JAKMIP3: variants seen among roughly 807,000 people sequenced by gnomAD.
The protein encoded by JAKMIP3 is Janus kinase and microtubule interacting protein 3, also known as janus kinase and microtubule-interacting protein 3.
In JAKMIP3, 58 loss-of-function variants were observed where a neutral mutation model predicts 118.5. That is an observed-to-expected ratio of 0.49 (90% confidence interval 0.40 to 0.61). The LOEUF is 0.61. Ranked by LOEUF, JAKMIP3 falls within the 20% of genes least tolerant of loss-of-function variation. JAKMIP3 has a pLI of 0.00. For synonymous variants in JAKMIP3, 486 were observed against 451.2 expected (o/e 1.08, Z -0.98); for missense variants, 950 against 1,109.0 (o/e 0.86, Z 2.04).
intron 1 of JAKMIP3, among the ~76,000 whole-genome samples, chr10:132,076,813 T>C (rs1253819332): frequency 6.6e-6 from 1 of 150,758 alleles, no homozygotes; most frequent in Non-Finnish European, 1.5e-5. Context: ...GCCCCAGGTA[T>C]GATGGCATGA....
In JAKMIP3 at chr10:132,117,032, A is replaced by C; in HGVS notation, c.136-45A>C. The C allele has an allele frequency of 6.4e-7, 1 of 1,566,980 alleles. No individual in the cohort carries two copies. Among genetic ancestry groups the C allele is most frequent in the Non-Finnish European group, 8.7e-7 (1 of 1,153,116 alleles). On this transcript the variant is annotated intron_variant, in intron 2 of 23. Coordinates refer to ENST00000684848, the MANE Select transcript of JAKMIP3 (RefSeq NM_001323087.2). The surrounding 1 kb of genome is among the most constrained non-coding windows in gnomAD (Gnocchi z 8.6). ...TGCACATTCAGGTGTGAGTGTGTGC[A>C]TGGCTGGAGCTCCTGCCACACTCAG...
Position 132,119,577 on chromosome 10 carries a change from G to A in JAKMIP3, c.633+2003G>A, listed in dbSNP as rs1322972907. 5.3e-5 allele frequency among the ~76,000 whole-genome samples: 8 copies of A among 152,144 alleles called. No homozygotes were observed. In the South Asian group the frequency reaches 1.0e-3, roughly 20 times the overall value. ...GTGTCTCATTGTCAGTCCCTCCTCC[G>A]CCCTACTTTGTAGTAATTATTCTAG... On this transcript the variant is annotated intron_variant, in intron 3 of 23. Transcript: ENST00000684848.
In JAKMIP3 at chr10:132,131,500, C is replaced by T. The variant is rs113658793; in HGVS notation, c.634-1812C>T. On this transcript the variant is annotated intron_variant, in intron 3 of 23. Coordinates refer to ENST00000684848, the MANE Select transcript of JAKMIP3 (RefSeq NM_001323087.2). ...GGGGAGATGGGAGCTCTGGGGCACC[C>T]GGGGGCTCCAGCAAGTGTTGTGGAT... 2.6e-3 allele frequency among the ~76,000 whole-genome samples: 394 copies of T among 151,600 alleles called. 4 individuals are homozygous for T. The highest frequency in any genetic ancestry group is 7.9e-3 in the African/African-American group (325 of 41,270).
intron 3 of JAKMIP3, among the ~76,000 whole-genome samples, chr10:132,127,787 G>T (rs1357608900): frequency 6.6e-6 from 1 of 151,866 alleles, no homozygotes; most frequent in African/African-American, 2.4e-5. Context: ...TCAACATTTA[G>T]TGTTATTCCA....
At chr10:132,065,633 G>A (rs1451009922), upstream of JAKMIP3, among the ~76,000 whole-genome samples, 1 of 152,120 alleles carries the variant, frequency 6.6e-6, no homozygotes, top group Non-Finnish European at 1.5e-5. The surrounding 1 kb of genome is among the most constrained non-coding windows in gnomAD (Gnocchi z 5.6). Flanking sequence ...AGCCCAGGCC[G>A]CCTCTGCATC....
At chr10:132,103,958 T>G (rs1463980233) in intron 1 of JAKMIP3, among the ~76,000 whole-genome samples, 2 of 152,202 alleles carry the variant, frequency 1.3e-5, no homozygotes, top group Non-Finnish European at 2.9e-5. Context: ...ATCCTGAATA[T>G]ATACGTGAAA....
intron 6 of JAKMIP3, 90 bp downstream of exon 6, chr10:132,136,166 A>G (rs2051725095): frequency 7.0e-7 from 1 of 1,426,890 alleles, no homozygotes; most frequent in Non-Finnish European, 9.6e-7. Flanking sequence ...TTAGCATGAC[A>G]GCCGGTCCCG....
intron 1 of JAKMIP3, among the ~76,000 whole-genome samples, chr10:132,040,914 T>A (rs886206118): frequency 6.6e-6 from 1 of 150,964 alleles, no homozygotes; most frequent in Admixed American, 6.6e-5. Context: ...CAACACCTCA[T>A]AGAACTGGAA....
chr10:132,094,416 G>A (rs1038051392), intron 1 of JAKMIP3, among the ~76,000 whole-genome samples: 5 of 152,056 alleles, frequency 3.3e-5, no homozygotes, highest in African/African-American at 1.2e-4. Context: ...TAGGGCTGAG[G>A]GCTGTTGCTC....
intron 1 of JAKMIP3, among the ~76,000 whole-genome samples, chr10:132,042,998 G>A (rs1223039541): frequency 6.6e-6 from 1 of 151,782 alleles, no homozygotes; most frequent in Non-Finnish European, 1.5e-5. Flanking sequence ...GGAGATTGAG[G>A]TGGGAGGACT....
chr10:132,142,375 C>T (rs928332013), intron 11 of JAKMIP3, among the ~76,000 whole-genome samples: 5 of 152,224 alleles, frequency 3.3e-5, no homozygotes, highest in African/African-American at 4.8e-5. Context: ...CCACCTCTTC[C>T]ACTCTTGGCA....
In JAKMIP3 at chr10:132,179,430, C is replaced by T. The variant is rs2060489436; in HGVS notation, c.*1104-2927C>T. 6.6e-6 allele frequency among the ~76,000 whole-genome samples: 1 copy of T among 152,192 alleles called. No individual in the cohort carries two copies. Among genetic ancestry groups the T allele is most frequent in the Non-Finnish European group, 1.5e-5 (1 of 68,030 alleles). The stretch of plus-strand genomic sequence containing the variant: ...TGAGCAGCACTTTCCTGCCCCCTCC[C>T]TGAGAACTGGGAGCTCTTGGGATGA... On this transcript the variant is annotated intron_variant, in intron 23 of 23. Coordinates refer to ENST00000684848, the MANE Select transcript of JAKMIP3 (RefSeq NM_001323087.2). This position sits in a 1 kb window ranked among gnomAD's most constrained non-coding sequence, Gnocchi z 4.3.
intron 11 of JAKMIP3, among the ~76,000 whole-genome samples, 187 bp from the exon 12 acceptor site, chr10:132,144,920 C>T (rs1157794677): frequency 6.6e-6 from 1 of 151,876 alleles, no homozygotes; most frequent in Non-Finnish European, 1.5e-5. Flanking sequence ...CAGAGCCAAA[C>T]CCTGTCTCAA....
chr10:132,141,996 C>G lies in JAKMIP3; in HGVS notation c.1550C>G (p.Ala517Gly). ...MEYQALQRAY[A>G]LLQEQVGGTL... ...TACCAGGCCCTGCAGCGTGCCTACG[C>G]TTTGTTGCAGGAGCAGGTTGGAGGG... The change falls in exon 11 of 24, where the codon GCT becomes GGT. Residue 517 changes from alanine (A) to glycine (G), a missense_variant. Physicochemically the swap from Ala to Gly is moderately conservative, Grantham distance 60. Transcript: ENST00000684848. 3 of 1,607,602 alleles carry G rather than the reference C, an allele frequency of 1.9e-6. No homozygotes were observed. Among genetic ancestry groups the G allele is most frequent in the Non-Finnish European group, 2.5e-6 (3 of 1,177,264 alleles).
chr10:132,063,933 T>A (rs903835059), upstream of JAKMIP3, among the ~76,000 whole-genome samples: 4 of 152,192 alleles, frequency 2.6e-5, no homozygotes, highest in Non-Finnish European at 5.9e-5. Context: ...GCACGCGTTT[T>A]TAAAAACAAA....
Position 132,117,896 on chromosome 10 carries a change from A to G in JAKMIP3, c.633+322A>G, listed in dbSNP as rs1035695581. Among the ~76,000 whole-genome samples, 2 of 152,120 alleles carry G rather than the reference A, an allele frequency of 1.3e-5. No individual in the cohort carries two copies. Among genetic ancestry groups the G allele is most frequent in the Non-Finnish European group, 2.9e-5 (2 of 68,028 alleles). ...ACTTGGGCCACAGCAAGAAACCTAG[A>G]AATCGGCACTGCCCATCCACACCGC... On this transcript the variant is annotated intron_variant, in intron 3 of 23. Transcript: ENST00000684848. This position sits in a 1 kb window ranked among gnomAD's most constrained non-coding sequence, Gnocchi z 8.6.
At chr10:132,175,408 C>T (rs1354206276) in intron 23 of JAKMIP3, among the ~76,000 whole-genome samples, 1 of 152,152 alleles carries the variant, frequency 6.6e-6, no homozygotes, top group Non-Finnish European at 1.5e-5. Flanking sequence ...TTCTGCTTGG[C>T]TCTGTGGTCA....
In JAKMIP3 at chr10:132,118,061, C is replaced by T. The variant is rs926557984; in HGVS notation, c.633+487C>T. Among the ~76,000 whole-genome samples the T allele has an allele frequency of 6.6e-6, 1 of 152,180 alleles. No individual in the cohort carries two copies. ...TCCAGTGATTCTCCAGTTGAACTCA[C>T]AGGATCCAGAGAGGCGAGATCAGGA... is the stretch of plus-strand genomic sequence containing the variant. On this transcript the variant is annotated intron_variant, in intron 3 of 23. Coordinates refer to ENST00000684848, the MANE Select transcript of JAKMIP3 (RefSeq NM_001323087.2). This position sits in a 1 kb window ranked among gnomAD's most constrained non-coding sequence, Gnocchi z 4.8.
chr10:132,063,767 ATT>A (rs1013082219), upstream of JAKMIP3, among the ~76,000 whole-genome samples: 2 of 152,210 alleles, frequency 1.3e-5, no homozygotes, highest in African/African-American at 4.8e-5. Flanking sequence ...TTCTAAAAAT[ATT>A]GTTTCCAATT....
Sources: gnomAD v4.1 joint callset for allele counts (sites outside exome capture counted in the v4.1 genomes callset) on GRCh38, gnomAD v4.1.1 for gene constraint, Gnocchi (gnomAD v3.1) non-coding constraint, MANE v1.5 for transcripts, NCBI Gene and HGNC (gene_info 2026-07-23, HGNC 2026-07-21) for gene names.